Variants in SEMA6D observed in about 807,000 individuals in gnomAD.
The protein encoded by SEMA6D is semaphorin-6D.
A neutral mutation model predicts 106.6 loss-of-function variants in SEMA6D; 35 were observed. The observed-to-expected ratio is 0.33, with a 90% confidence interval of 0.25 to 0.44. The LOEUF is 0.44. SEMA6D is among the 20% of genes least tolerant of loss of function. The probability of loss-of-function intolerance (pLI) is 1.00; values close to 1 mark genes in which losing one functional copy is unlikely to be tolerated. For synonymous variants in SEMA6D, 499 were observed against 487.7 expected (o/e 1.02, Z -0.31); for missense variants, 1,185 against 1,345.9 (o/e 0.88, Z 1.87).
intron 3 of SEMA6D, among the ~76,000 whole-genome samples, chr15:47,494,325 A>G (rs894079176): frequency 4.6e-5 from 7 of 152,220 alleles, no homozygotes; most frequent in South Asian, 4.1e-4. Flanking sequence ...TGGATATAGC[A>G]TATGAACTCT....
At chr15:47,663,240 A>G (rs1225390566) in intron 4 of SEMA6D, among the ~76,000 whole-genome samples, 2 of 152,196 alleles carry the variant, frequency 1.3e-5, no homozygotes, top group Admixed American at 6.5e-5. Context: ...AAATTCCAGG[A>G]GGAATGTTCC....
At chr15:47,478,590 T>G (rs1390070703) in intron 3 of SEMA6D, among the ~76,000 whole-genome samples, 1 of 152,058 alleles carries the variant, frequency 6.6e-6, no homozygotes, top group Non-Finnish European at 1.5e-5. Flanking sequence ...GGGCAGGGTG[T>G]TGTGGTATAG....
intron 1 of SEMA6D, among the ~76,000 whole-genome samples, chr15:47,234,208 C>A (rs1386063979): frequency 2.0e-5 from 3 of 151,948 alleles, no homozygotes; most frequent in Non-Finnish European, 2.9e-5. Context: ...TCAGGAAAGA[C>A]CTAAGAAGAC....
chr15:47,771,473 G>C lies in SEMA6D; in HGVS notation c.2910G>C (p.Gln970His), dbSNP rs1382213493. The C allele has an allele frequency of 1.2e-6, 2 of 1,614,112 alleles. No individual in the cohort carries two copies. The highest frequency in any genetic ancestry group is 1.1e-5 in the South Asian group (1 of 91,074). ...GAGGTTATCACAAAAATTCCTCCCA[G>C]AGGCACTCTATATCTGCTATGCCTA... is the stretch of plus-strand genomic sequence containing the variant. Reference protein sequence around the residue: ...RQRGYHKNSSQRHSISAMPKN... With the variant: ...RQRGYHKNSSHRHSISAMPKN... Residue 970 changes from glutamine to histidine, a missense_variant, in exon 19 of 19, where the codon CAG becomes CAC. Gln to His is a conservative substitution (Grantham distance 24). Coordinates refer to ENST00000536845, the MANE Select transcript of SEMA6D (RefSeq NM_001358351.3).
At chr15:47,499,175 T>C (rs544225619) in intron 3 of SEMA6D, among the ~76,000 whole-genome samples, 1 of 152,250 alleles carries the variant, frequency 6.6e-6, no homozygotes, top group African/African-American at 2.4e-5. Context: ...ACGAAACTTG[T>C]TAAAGGTTGC....
chr15:47,308,781 A>G (rs1391768277), intron 1 of SEMA6D, among the ~76,000 whole-genome samples: 2 of 152,232 alleles, frequency 1.3e-5, no homozygotes, highest in African/African-American at 4.8e-5. Flanking sequence ...GAGAAATTAC[A>G]TGAGTGCTAA....
chr15:47,569,124 G>A (rs532983998), intron 3 of SEMA6D, among the ~76,000 whole-genome samples: 2 of 152,204 alleles, frequency 1.3e-5, no homozygotes, highest in East Asian at 1.9e-4. Context: ...CTGGAAATAA[G>A]GTTTCCAGTA....
At chr15:47,325,894 A>G (rs1275069651) in intron 1 of SEMA6D, among the ~76,000 whole-genome samples, 1 of 152,164 alleles carries the variant, frequency 6.6e-6, no homozygotes, top group Non-Finnish European at 1.5e-5. Context: ...TTGTTACCTC[A>G]AGCGGTTGCC....
chr15:47,308,753 T>C (rs1386970245), intron 1 of SEMA6D, among the ~76,000 whole-genome samples: 1 of 152,190 alleles, frequency 6.6e-6, no homozygotes, highest in African/African-American at 2.4e-5. Context: ...CCTGTAACTT[T>C]AGAAGGAGGG....
intron 1 of SEMA6D, among the ~76,000 whole-genome samples, chr15:47,292,640 A>C (rs1478592219): frequency 6.6e-6 from 1 of 152,140 alleles, no homozygotes. Flanking sequence ...TTGGATTTCC[A>C]TGTAAGGGAT....
At chr15:47,206,216 A>G (rs935292745) in intron 1 of SEMA6D, among the ~76,000 whole-genome samples, 2 of 152,226 alleles carry the variant, frequency 1.3e-5, no homozygotes, top group African/African-American at 4.8e-5. Flanking sequence ...TTACTTACTG[A>G]AAATCAATAT....
Position 47,511,695 on chromosome 15 carries a change from T to C in SEMA6D, c.-87+41150T>C, listed in dbSNP as rs78787246. Among the ~76,000 whole-genome samples the C allele has an allele frequency of 3.4e-3, 516 of 152,334 alleles. 6 individuals carry two copies. Among genetic ancestry groups the C allele is most frequent in the East Asian group, 0.028 (146 of 5,180 alleles). On this transcript the variant is annotated intron_variant, in intron 3 of 19. Coordinates refer to the SEMA6D transcript ENST00000558014. ...ATAGGTTTCCAAGATAACAGTTTTT[T>C]TGGAGGGGTAGAGAGGAAATCAAGG...
chr15:47,513,350 C>A (rs2044289863), intron 3 of SEMA6D, among the ~76,000 whole-genome samples: 1 of 152,116 alleles, frequency 6.6e-6, no homozygotes, highest in Non-Finnish European at 1.5e-5. Flanking sequence ...CATATATATA[C>A]TCTGGCTGAT....
intron 1 of SEMA6D, among the ~76,000 whole-genome samples, chr15:47,301,048 TG>T (rs1313765215): frequency 4.6e-5 from 7 of 152,180 alleles, no homozygotes; most frequent in Non-Finnish European, 8.8e-5. Context: ...GCATAGACTG[TG>T]GGTATAGAAT....
intron 1 of SEMA6D, among the ~76,000 whole-genome samples, chr15:47,289,476 T>G (rs1413135905): frequency 1.3e-5 from 2 of 150,212 alleles, no homozygotes; most frequent in African/African-American, 4.9e-5. Flanking sequence ...AATCTTAAGG[T>G]AATCTAATTT....
intron 1 of SEMA6D, among the ~76,000 whole-genome samples, chr15:47,211,225 T>G (rs1188791164): frequency 6.6e-6 from 1 of 152,128 alleles, no homozygotes; most frequent in African/African-American, 2.4e-5. Context: ...CTGAAAAAAA[T>G]TATATAGCAT....
intron 1 of SEMA6D, among the ~76,000 whole-genome samples, chr15:47,220,756 A>G (rs1286899355): frequency 6.6e-6 from 1 of 152,232 alleles, no homozygotes; most frequent in East Asian, 1.9e-4. Context: ...CTAGCGTGCT[A>G]TCCTGGCTAG....
At chr15:47,401,356 C>A (rs384616) in intron 1 of SEMA6D, among the ~76,000 whole-genome samples, 95,430 of 151,648 alleles carry the variant, frequency 0.63, 30,393 homozygotes, top group Middle Eastern at 0.72. Context: ...CCTTTAATCC[C>A]AAAAACAATC....
intron 2 of SEMA6D, among the ~76,000 whole-genome samples, chr15:47,420,823 C>G (rs985963734): frequency 3.5e-4 from 53 of 152,034 alleles, no homozygotes; most frequent in African/African-American, 1.2e-3. Flanking sequence ...CCCACTGTCT[C>G]CAAAAAGTAA....
Sources: allele counts gnomAD v4.1 joint callset (sites outside exome capture counted in the v4.1 genomes callset), GRCh38; gene constraint gnomAD v4.1.1; transcripts MANE v1.5; gene names NCBI Gene and HGNC (gene_info 2026-07-23, HGNC 2026-07-21).